VPS13B: variants seen among roughly 807,000 people sequenced by gnomAD.
VPS13B encodes vacuolar protein sorting 13 homolog B.
In VPS13B, 285 loss-of-function variants were observed where a neutral mutation model predicts 426.4. The observed-to-expected ratio is 0.67, with a 90% CI of 0.61 to 0.74. VPS13B has a LOEUF of 0.74. Ranked by LOEUF, VPS13B falls within the 30% of genes least tolerant of loss-of-function variation. The pLI, the probability that VPS13B is intolerant of heterozygous loss-of-function variation, is 0.00. For synonymous variants in VPS13B, 1,676 were observed against 1,676.4 expected (o/e 1.00, Z 0.01); for missense variants, 4,537 against 4,782.6 (o/e 0.95, Z 1.51).
rs997838899 is a variant in VPS13B, at chr8:99,819,932, T to C, written c.8804T>C (p.Leu2935Pro). 2 of 1,613,860 alleles carry C rather than the reference T, an allele frequency of 1.2e-6. No homozygotes were observed. Among genetic ancestry groups the C allele is most frequent in the Admixed American group, 3.3e-5 (2 of 59,984 alleles). The change falls in exon 49 of 62, where the codon CTA becomes CCA. Residue 2935 changes from leucine to proline, a missense_variant. Physicochemically the swap from Leu to Pro is moderately conservative, Grantham distance 98. Coordinates refer to ENST00000357162, the MANE Select transcript of VPS13B (RefSeq NM_152564.5). ...GGTTTTTGGAACAGGAATGAACAGC[T>C]AAGTCAGTGGGATAGCCCAATGCGA... ...NKKDSDRNEQ[L>P]SQWDSPMRVK...
intron 36 of VPS13B, among the ~76,000 whole-genome samples, chr8:99,709,447 A>G (rs1199677325): frequency 2.6e-5 from 4 of 152,182 alleles, no homozygotes; most frequent in Non-Finnish European, 5.9e-5. Flanking sequence ...GAAGTCATGA[A>G]ACTATTTGTT....
At chr8:99,014,266 C>G (rs1841489194) in intron 2 of VPS13B, among the ~76,000 whole-genome samples, 1 of 151,428 alleles carries the variant, frequency 6.6e-6, no homozygotes, top group South Asian at 2.1e-4. Flanking sequence ...TACAGGCGCG[C>G]ACCACCACGC....
intron 35 of VPS13B, chr8:99,697,466 A>G: frequency 2.7e-6 from 2 of 729,854 alleles, no homozygotes; most frequent in South Asian, 3.0e-5. Flanking sequence ...CGACATCCTC[A>G]GCGATGCCTG....
intron 17 of VPS13B, among the ~76,000 whole-genome samples, chr8:99,237,726 G>T (rs1205158227): frequency 6.6e-6 from 1 of 151,968 alleles, no homozygotes; most frequent in Non-Finnish European, 1.5e-5. Flanking sequence ...CAAAATTAGA[G>T]AAATCACCAC....
At chr8:99,277,485 G>A (rs1481974605) in intron 19 of VPS13B, among the ~76,000 whole-genome samples, 2 of 152,078 alleles carry the variant, frequency 1.3e-5, no homozygotes, top group Admixed American at 1.3e-4. Context: ...TAATTTGGGT[G>A]TATATGTATA....
chr8:99,050,687 C>T (rs1563506803), intron 3 of VPS13B, among the ~76,000 whole-genome samples: 3 of 152,212 alleles, frequency 2.0e-5, no homozygotes, highest in Non-Finnish European at 4.4e-5. Flanking sequence ...ACATCCTCTC[C>T]AGCACCTGTT....
intron 14 of VPS13B, among the ~76,000 whole-genome samples, chr8:99,148,219 T>C (rs1302801215): frequency 6.6e-6 from 1 of 151,710 alleles, no homozygotes; most frequent in African/African-American, 2.4e-5. Flanking sequence ...CTAAAAAAAA[T>C]TTGGCACGGT....
intron 21 of VPS13B, among the ~76,000 whole-genome samples, chr8:99,428,866 A>T (rs1816907317): frequency 6.6e-6 from 1 of 152,142 alleles, no homozygotes. Flanking sequence ...AATAGCAAAG[A>T]CTTGGAACCA....
intron 22 of VPS13B, among the ~76,000 whole-genome samples, chr8:99,440,450 A>G (rs1192103035): frequency 6.6e-6 from 1 of 152,150 alleles, no homozygotes; most frequent in Non-Finnish European, 1.5e-5. Flanking sequence ...AACATTTTAC[A>G]TTAAAACCAC....
chr8:99,602,273 G>GT (rs1374747758), intron 33 of VPS13B, among the ~76,000 whole-genome samples: 37 of 152,222 alleles, frequency 2.4e-4, no homozygotes, highest in African/African-American at 8.4e-4. Flanking sequence ...TCCATTGCTT[G>GT]TTTTTGTCAG....
intron 35 of VPS13B, among the ~76,000 whole-genome samples, chr8:99,683,771 T>G (rs1831254423): frequency 1.3e-5 from 2 of 152,338 alleles, no homozygotes; most frequent in East Asian, 3.9e-4. Context: ...TCTTATTGGG[T>G]TTTCAACATG....
At chr8:99,222,871 C>A (rs892263108) in intron 17 of VPS13B, among the ~76,000 whole-genome samples, 1 of 152,200 alleles carries the variant, frequency 6.6e-6, no homozygotes, top group Non-Finnish European at 1.5e-5. Context: ...GAGTCTTACT[C>A]TGCCGCCCAG....
At position 99,134,654 on chromosome 8, in the gene VPS13B, G is replaced by A. The variant is rs1465978289; in HGVS notation, c.1229G>A (p.Ser410Asn). 2 of 1,608,000 alleles carry A rather than the reference G, an allele frequency of 1.2e-6. No individual in the cohort carries two copies. Among genetic ancestry groups the A allele is most frequent in the Admixed American group, 3.3e-5 (2 of 59,706 alleles). Reference sequence around the variant, plus strand: ...TAGCTCACAGAAATGCAAGTTGAGAGTAGTTATTACAGTCCACAGAAAGTA... The same window carrying A: ...TAGCTCACAGAAATGCAAGTTGAGAATAGTTATTACAGTCCACAGAAAGTA... Reference protein sequence around the residue: ...TFKLTEMQVESSYYSPQKVKS... With the variant: ...TFKLTEMQVENSYYSPQKVKS... The change falls in exon 9 of 62, where the codon AGT (serine) becomes AAT (asparagine). Residue 410 changes from serine to asparagine, a missense_variant. Physicochemically the swap from Ser to Asn is conservative, Grantham distance 46. Transcript: ENST00000357162.
At chr8:99,190,440 T>C (rs113542134) in intron 16 of VPS13B, among the ~76,000 whole-genome samples, 4,465 of 152,204 alleles carry the variant, frequency 0.029, 97 homozygotes, top group Non-Finnish European at 0.045. Flanking sequence ...TTCTAGTATC[T>C]TGCTGTTTGT....
intron 40 of VPS13B, among the ~76,000 whole-genome samples, chr8:99,767,358 G>T (rs1371868035): frequency 6.6e-6 from 1 of 151,116 alleles, no homozygotes; most frequent in Non-Finnish European, 1.5e-5. Context: ...ATTATCCTGG[G>T]GCATTAAAAG....
chr8:99,541,296 T>G (rs1823603156), intron 30 of VPS13B, among the ~76,000 whole-genome samples: 1 of 152,214 alleles, frequency 6.6e-6, no homozygotes, highest in South Asian at 2.1e-4. Context: ...GATATGGTAC[T>G]AAATCAACTT....
At chr8:99,271,970 T>C (rs1818632177) in intron 17 of VPS13B, among the ~76,000 whole-genome samples, 1 of 152,162 alleles carries the variant, frequency 6.6e-6, no homozygotes, top group Admixed American at 6.5e-5. Flanking sequence ...CAGGATAACA[T>C]TCTCTAACCA....
chr8:99,528,572 C>T (rs1209524538), intron 30 of VPS13B, among the ~76,000 whole-genome samples: 3 of 152,056 alleles, frequency 2.0e-5, no homozygotes, highest in African/African-American at 4.8e-5. Flanking sequence ...TCTACACCAC[C>T]TCCCAAAATG....
At chr8:99,760,040 G>A (rs1810849488) in intron 39 of VPS13B, among the ~76,000 whole-genome samples, 1 of 151,940 alleles carries the variant, frequency 6.6e-6, no homozygotes, top group African/African-American at 2.4e-5. Context: ...GCAGTGGCAT[G>A]ATCTCGGCTC....
Sources: gnomAD v4.1 joint callset for allele counts (sites outside exome capture counted in the v4.1 genomes callset) on GRCh38, gnomAD v4.1.1 for gene constraint, MANE v1.5 for transcripts, NCBI Gene and HGNC (gene_info 2026-07-23, HGNC 2026-07-21) for gene names.